The following GKAP1 variants were observed in gnomAD, a reference collection of about 807,000 sequenced individuals.
GKAP1 encodes the protein G kinase anchoring protein 1.
In GKAP1, 31 loss-of-function variants were observed where a neutral mutation model predicts 56.7. The observed-to-expected ratio is 0.55, with a 90% CI of 0.41 to 0.74. GKAP1 has a LOEUF of 0.74. GKAP1 is among the 30% of genes least tolerant of loss of function. The pLI is 0.00. For missense variants in GKAP1, 364 were observed against 402.3 expected, an observed-to-expected ratio of 0.90 and a Z score of 0.82; for synonymous variants, 151 against 138.6, an observed-to-expected ratio of 1.09 and a Z score of -0.63.
intron 9 of GKAP1, 189 bp from the exon 10 acceptor site, chr9:83,748,561 C>T: frequency 2.5e-6 from 1 of 394,080 alleles, no homozygotes; most frequent in South Asian, 4.5e-5. Context: ...CACAATAATA[C>T]ATATCAATAT....
intron 4 of GKAP1, among the ~76,000 whole-genome samples, chr9:83,793,528 A>AT (rs1306199482): frequency 6.6e-6 from 1 of 152,200 alleles, no homozygotes; most frequent in Non-Finnish European, 1.5e-5. Context: ...CAGCTAATGT[A>AT]TTTTTATGTC....
chr9:83,781,141 T>C (rs1280308118), intron 6 of GKAP1, among the ~76,000 whole-genome samples: 1 of 152,136 alleles, frequency 6.6e-6, no homozygotes, highest in Non-Finnish European at 1.5e-5. Context: ...GGCGGGCGGA[T>C]CACCTGAGGC....
At chr9:83,803,571 C>A (rs1164463349) in intron 3 of GKAP1, among the ~76,000 whole-genome samples, 1 of 152,260 alleles carries the variant, frequency 6.6e-6, no homozygotes, top group Non-Finnish European at 1.5e-5. Context: ...GGTGCCCAGG[C>A]TGGAGTGCAG....
intron 7 of GKAP1, among the ~76,000 whole-genome samples, chr9:83,769,371 A>G (rs906080039): frequency 1.2e-4 from 19 of 152,154 alleles, no homozygotes; most frequent in African/African-American, 4.6e-4. Context: ...AACTGTACCC[A>G]TTAGCCGTCA....
chr9:83,802,396 T>C (rs1944345345), intron 3 of GKAP1, among the ~76,000 whole-genome samples: 1 of 149,938 alleles, frequency 6.7e-6, no homozygotes, highest in Admixed American at 6.6e-5. Flanking sequence ...GAAGAACTGC[T>C]TGAACCTGGG....
chr9:83,759,501 T>C (rs564904618), intron 8 of GKAP1, among the ~76,000 whole-genome samples: 3 of 152,334 alleles, frequency 2.0e-5, no homozygotes, highest in South Asian at 2.1e-4. Context: ...TGGTGACTTA[T>C]GTTTTTCATT....
rs115002071 is a variant in GKAP1, at chr9:83,753,649, G to C, written c.739-290C>G. On this transcript the variant is annotated intron_variant, in intron 8 of 12. Transcript: ENST00000376371. ...TAAAAGTGCTCTGTGACAAGTTGTT[G>C]TTATTAGTCTATCTTAAAAATTCAA... 6.9e-3 allele frequency among the ~76,000 whole-genome samples: 1,045 copies of C among 152,220 alleles called. 16 individuals are homozygous for C. Among genetic ancestry groups the C allele is most frequent in the African/African-American group, 0.024 (1,000 of 41,542 alleles).
In GKAP1 at chr9:83,815,157, C is replaced by T. The variant is rs1007710649; in HGVS notation, c.-44+1839G>A. On this transcript the variant is annotated intron_variant, in intron 2 of 12. Transcript: ENST00000376371. ...ACCACATTCCAGCCTGGCAACAGAG[C>T]GAGAGACTGTCTCAAAAAAATGAAA... 2.6e-5 allele frequency among the ~76,000 whole-genome samples: 4 copies of T among 151,938 alleles called. No individual in the cohort carries two copies. In the East Asian group the frequency reaches 5.8e-4, roughly 22 times the overall value.
intron 7 of GKAP1, among the ~76,000 whole-genome samples, chr9:83,777,864 T>G (rs534763782): frequency 1.4e-3 from 206 of 152,304 alleles, no homozygotes; most frequent in Admixed American, 2.8e-3. Flanking sequence ...CTTTTTTGGA[T>G]TCTCTGTGGA....
intron 6 of GKAP1, among the ~76,000 whole-genome samples, chr9:83,782,920 T>C (rs1219024104): frequency 2.0e-5 from 3 of 151,992 alleles, no homozygotes; most frequent in Non-Finnish European, 4.4e-5. Context: ...TCTACCTGCG[T>C]TGTCCCCGCA....
At chr9:83,804,463 A>C (rs1171565650) in intron 3 of GKAP1, among the ~76,000 whole-genome samples, 2 of 77,744 alleles carry the variant, frequency 2.6e-5, no homozygotes, top group South Asian at 5.0e-4. Flanking sequence ...CTGCCCGGCC[A>C]CCCCTACTGG....
chr9:83,780,896 G>A (rs989847690), intron 6 of GKAP1, among the ~76,000 whole-genome samples: 2 of 151,976 alleles, frequency 1.3e-5, no homozygotes, highest in African/African-American at 4.8e-5. Flanking sequence ...ATATCAAGGT[G>A]ATTTAATAGC....
At chr9:83,812,558 T>G (rs978611151) in intron 2 of GKAP1, among the ~76,000 whole-genome samples, 6 of 150,922 alleles carry the variant, frequency 4.0e-5, no homozygotes, top group African/African-American at 1.2e-4. Context: ...CAGGCTGGTC[T>G]TGAACCCCTA....
At chr9:83,762,339 A>C (rs1040563828) in intron 8 of GKAP1, among the ~76,000 whole-genome samples, 9 of 152,164 alleles carry the variant, frequency 5.9e-5, no homozygotes, top group Non-Finnish European at 1.0e-4. Context: ...ATAAATACCT[A>C]GGAATTAACC....
chr9:83,791,965 T>C (rs1319066211), intron 4 of GKAP1, among the ~76,000 whole-genome samples: 4 of 152,314 alleles, frequency 2.6e-5, no homozygotes, highest in Non-Finnish European at 5.9e-5. Context: ...TACTATGGGA[T>C]ACTAAGGAAA....
At chr9:83,753,560 C>T (rs958711971) in intron 8 of GKAP1, among the ~76,000 whole-genome samples, 3 of 152,020 alleles carry the variant, frequency 2.0e-5, no homozygotes, top group Non-Finnish European at 4.4e-5. Flanking sequence ...TATAATTAAG[C>T]CAAACATACT....
intron 7 of GKAP1, among the ~76,000 whole-genome samples, chr9:83,772,837 A>G (rs913865591): frequency 6.6e-6 from 1 of 152,202 alleles, no homozygotes; most frequent in Non-Finnish European, 1.5e-5. Context: ...GATGTCTGAA[A>G]TCACCAGTTA....
In GKAP1 at chr9:83,806,453, T is replaced by A; in HGVS notation, c.65A>T (p.Asp22Val). The change falls in exon 3 of 13, where the codon GAT becomes GTT. Residue 22 changes from aspartate (D) to valine (V), a missense_variant. Transcript: ENST00000376371. Reference sequence around the variant, plus strand: ...TTCAGAATCAGAGCCACTGCCACTATCCACTTGTAACAGGGCAAAACGAGA... The same window carrying A: ...TTCAGAATCAGAGCCACTGCCACTAACCACTTGTAACAGGGCAAAACGAGA... ...TASRFALLQV[D>V]SGSGSDSEPG... is the part of the protein sequence containing the mutation. The A allele has an allele frequency of 6.2e-7, 1 of 1,614,056 alleles. No homozygotes were observed. The highest frequency in any genetic ancestry group is 8.5e-7 in the Non-Finnish European group (1 of 1,179,970).
chr9:83,815,166 G>A (rs1944564786), intron 2 of GKAP1, among the ~76,000 whole-genome samples: 1 of 152,034 alleles, frequency 6.6e-6, no homozygotes, highest in African/African-American at 2.4e-5. Context: ...GCGAGAGACT[G>A]TCTCAAAAAA....
Sources: gnomAD v4.1 joint callset for allele counts (sites outside exome capture counted in the v4.1 genomes callset) on GRCh38, gnomAD v4.1.1 for gene constraint, MANE v1.5 for transcripts, NCBI Gene and HGNC (gene_info 2026-07-23, HGNC 2026-07-21) for gene names.